The following SNTG1 variants were observed in gnomAD, a reference collection of about 807,000 sequenced individuals.
The protein encoded by SNTG1 is gamma-1-syntrophin.
Under a neutral mutation model 74.7 loss-of-function variants are expected in SNTG1, and 39 were observed. That is an observed-to-expected ratio of 0.52 (90% CI 0.40 to 0.68). The LOEUF (loss-of-function observed/expected upper bound fraction) is 0.68. Among genes scored for constraint, SNTG1 ranks in the 30% least tolerant of loss-of-function variants. The probability of loss-of-function intolerance (pLI) is 0.00; values close to 1 mark genes in which losing one functional copy is unlikely to be tolerated. For synonymous variants in SNTG1, 254 were observed against 217.1 expected (o/e 1.17, Z -1.49); for missense variants, 685 against 609.5 (o/e 1.12, Z -1.30).
chr8:50,781,009 C>T (rs145636573), intron 18 of SNTG1, among the ~76,000 whole-genome samples: 14,262 of 152,088 alleles, frequency 0.094, 1,963 homozygotes, highest in African/African-American at 0.3. Flanking sequence ...TGTAGTTGAG[C>T]GGTTTTGAGT....
intron 1 of SNTG1, among the ~76,000 whole-genome samples, chr8:50,157,729 A>G (rs1201551190): frequency 2.6e-5 from 4 of 152,120 alleles, no homozygotes; most frequent in South Asian, 2.1e-4. Flanking sequence ...TCAGCCAAGG[A>G]AACAAAACAA....
At chr8:49,931,079 T>C (rs921020631) in intron 1 of SNTG1, among the ~76,000 whole-genome samples, 81 of 152,196 alleles carry the variant, frequency 5.3e-4, no homozygotes, top group African/African-American at 1.8e-3. Flanking sequence ...AAATGTTGCA[T>C]AAAGAAAAGG....
chr8:50,359,162 A>C (rs1422718210), intron 2 of SNTG1, among the ~76,000 whole-genome samples: 1 of 152,146 alleles, frequency 6.6e-6, no homozygotes, highest in Non-Finnish European at 1.5e-5. Flanking sequence ...GCACATAAAA[A>C]TTTCCCAAAA....
rs538811606 is a variant in SNTG1 at position 50,213,632 on chromosome 8, G to C, written c.-28+40997G>C. 5.3e-5 allele frequency among the ~76,000 whole-genome samples: 8 copies of C among 152,066 alleles called. No homozygotes were observed. In the East Asian group the frequency reaches 1.5e-3, roughly 29 times the overall value. The stretch of plus-strand genomic sequence containing the variant: ...TAATGATTGCCATTCTAACTGGTGT[G>C]AGATGGTATCTCATTGTGGTTTTGA... On this transcript the variant is annotated intron_variant, in intron 2 of 18. Coordinates refer to ENST00000642720, the MANE Select transcript of SNTG1 (RefSeq NM_018967.5).
In SNTG1 at chr8:50,131,422, AT is replaced by A. The variant is rs796612135; in HGVS notation, c.-102-41131del. Among the ~76,000 whole-genome samples the A allele has an allele frequency of 8.6e-5, 13 of 152,034 alleles. No individual in the cohort carries two copies. The East Asian group carries it at 2.1e-3, about 25-fold the overall frequency. On this transcript the variant is annotated intron_variant, in intron 1 of 18. Coordinates refer to ENST00000642720, the MANE Select transcript of SNTG1 (RefSeq NM_018967.5). ...CCACACATATGTGAAATCATGCAGT[AT>A]TTTTTTTCTGTGTCTGGTTTATTTC...
At position 50,076,426 on chromosome 8, in the gene SNTG1, G is replaced by A. The variant is rs553352925; in HGVS notation, c.-102-96135G>A. On this transcript the variant is annotated intron_variant, in intron 1 of 18. Transcript: ENST00000642720. ...TGTATGAATTCCAATGCAATGAATT[G>A]GTCCAGAATAAAATTGTTTCTTTCC... Among the ~76,000 whole-genome samples the A allele has an allele frequency of 6.6e-5, 10 of 152,216 alleles. No individual in the cohort carries two copies. The South Asian group carries it at 2.1e-3, about 32-fold the overall frequency.
intron 1 of SNTG1, among the ~76,000 whole-genome samples, chr8:50,107,231 C>T (rs767102870): frequency 6.6e-6 from 1 of 152,026 alleles, no homozygotes; most frequent in African/African-American, 2.4e-5. Context: ...CCTAAGTTGC[C>T]AAAACAAAGT....
intron 1 of SNTG1, among the ~76,000 whole-genome samples, chr8:50,081,885 C>T (rs1416973195): frequency 6.6e-6 from 1 of 152,170 alleles, no homozygotes; most frequent in Non-Finnish European, 1.5e-5. Context: ...CTCACCTCAG[C>T]CTGCCAAAGT....
intron 8 of SNTG1, among the ~76,000 whole-genome samples, chr8:50,490,085 G>A (rs7009810): frequency 2.0e-5 from 3 of 152,100 alleles, no homozygotes; most frequent in Non-Finnish European, 2.9e-5. Flanking sequence ...GGTTGTAGAT[G>A]TGTAGCATTA....
In SNTG1 at chr8:50,485,502, C is replaced by A. The variant is rs141230374; in HGVS notation, c.364-17276C>A. On this transcript the variant is annotated intron_variant, in intron 8 of 18. Transcript: ENST00000642720. ...AGTGTCTGTTCATGTCCTTCACCCA[C>A]TTTTTGATGGGGTTGTTTGTTTTTT... is the stretch of plus-strand genomic sequence containing the variant. 5.8e-3 allele frequency among the ~76,000 whole-genome samples: 874 copies of A among 151,846 alleles called. 11 individuals carry two copies. The highest frequency in any genetic ancestry group is 0.02 in the African/African-American group (823 of 41,396).
chr8:49,987,561 A>G (rs1585783099), intron 1 of SNTG1, among the ~76,000 whole-genome samples: 1 of 152,038 alleles, frequency 6.6e-6, no homozygotes, highest in Non-Finnish European at 1.5e-5. Context: ...TTGTGAAATT[A>G]TCCTGAAATT....
intron 1 of SNTG1, among the ~76,000 whole-genome samples, chr8:50,160,304 T>G (rs2082375226): frequency 1.3e-5 from 2 of 152,226 alleles, no homozygotes; most frequent in African/African-American, 4.8e-5. Context: ...CTGAAATTTT[T>G]GTGTTAAAGG....
At chr8:50,079,799 G>T (rs568417862) in intron 1 of SNTG1, among the ~76,000 whole-genome samples, 1 of 152,180 alleles carries the variant, frequency 6.6e-6, no homozygotes, top group African/African-American at 2.4e-5. Flanking sequence ...AGTTTTCCCA[G>T]CATGATTTAT....
chr8:50,582,061 A>T (rs987618315), intron 12 of SNTG1, among the ~76,000 whole-genome samples: 11 of 152,114 alleles, frequency 7.2e-5, no homozygotes, highest in African/African-American at 2.2e-4. Context: ...TTTTGTCTGG[A>T]TCTGACAAAA....
chr8:50,671,013 C>A (rs942791810), intron 15 of SNTG1, among the ~76,000 whole-genome samples: 47 of 150,360 alleles, frequency 3.1e-4, no homozygotes, highest in African/African-American at 1.1e-3. Flanking sequence ...AAACTGGATC[C>A]CTTCCTTACA....
chr8:50,139,038 C>G lies in SNTG1; in HGVS notation c.-102-33523C>G, dbSNP rs115137007. Among the ~76,000 whole-genome samples, 535 of 152,178 alleles carry G rather than the reference C, an allele frequency of 3.5e-3. 4 individuals carry two copies. The highest frequency in any genetic ancestry group is 0.012 in the African/African-American group (486 of 41,512). On this transcript the variant is annotated intron_variant, in intron 1 of 18. Coordinates refer to ENST00000642720, the MANE Select transcript of SNTG1 (RefSeq NM_018967.5). Reference sequence around the variant, plus strand: ...ATCCTGCTACACACAAATGCTGTTACCATTTTGATGTATGAATCCATTTGT... The same window carrying G: ...ATCCTGCTACACACAAATGCTGTTAGCATTTTGATGTATGAATCCATTTGT...
chr8:50,207,358 G>T (rs1385425399), intron 2 of SNTG1, among the ~76,000 whole-genome samples: 2 of 152,124 alleles, frequency 1.3e-5, no homozygotes, highest in African/African-American at 4.8e-5. Context: ...TTGCATAGAG[G>T]TGTTTATAGT....
chr8:50,256,783 TGC>T (rs1305609237), intron 2 of SNTG1, among the ~76,000 whole-genome samples: 9 of 28,210 alleles, frequency 3.2e-4, no homozygotes, highest in East Asian at 8.3e-3. Context: ...AGGGTGTGTG[TGC>T]GTGTGTGTGT....
In SNTG1 at chr8:50,143,915, A is replaced by G. The variant is rs562742864; in HGVS notation, c.-102-28646A>G. Among the ~76,000 whole-genome samples, 4 of 152,328 alleles carry G rather than the reference A, an allele frequency of 2.6e-5. No homozygotes were observed. In the East Asian group the frequency reaches 5.8e-4, roughly 22 times the overall value. ...TATACCTTAATCAGTATTAAAAATT[A>G]GAATTCCTTTTAACATGAGGTAGCT... is the stretch of plus-strand genomic sequence containing the variant. On this transcript the variant is annotated intron_variant, in intron 1 of 18. Coordinates refer to ENST00000642720, the MANE Select transcript of SNTG1 (RefSeq NM_018967.5).
Sources: gnomAD v4.1 joint callset for allele counts (sites outside exome capture counted in the v4.1 genomes callset) on GRCh38, gnomAD v4.1.1 for gene constraint, MANE v1.5 for transcripts, NCBI Gene and HGNC (gene_info 2026-07-23, HGNC 2026-07-21) for gene names.